WNK1: variants seen among roughly 807,000 people sequenced by gnomAD.
WNK1 encodes the protein serine/threonine-protein kinase WNK1.
WNK1 carries 38 observed loss-of-function variants against 222.8 expected under a neutral mutation model. The ratio of observed to expected loss-of-function variants is 0.17; its 90% CI spans 0.13 to 0.22. The LOEUF (loss-of-function observed/expected upper bound fraction) is 0.22, where lower values mean the gene tolerates loss of function less well. Among genes scored for constraint, WNK1 ranks in the 10% least tolerant of loss-of-function variants. The probability of loss-of-function intolerance (pLI) is 1.00; values close to 1 mark genes in which losing one functional copy is unlikely to be tolerated. For synonymous variants in WNK1, 1,090 were observed against 1,092.9 expected (o/e 1.00, Z 0.05); for missense variants, 2,348 against 2,918.4 (o/e 0.80, Z 4.50).
chr12:852,141 A>G (rs1311496733), intron 4 of WNK1, among the ~76,000 whole-genome samples: 1 of 152,164 alleles, frequency 6.6e-6, no homozygotes, highest in Non-Finnish European at 1.5e-5. Context: ...ACTCACTTTT[A>G]TTTTTCTAGC....
At chr12:877,895 G>A in intron 9 of WNK1, 1 of 367,296 alleles carries the variant, frequency 2.7e-6, no homozygotes, top group Non-Finnish European at 5.2e-6. Flanking sequence ...ATGGGATGGG[G>A]AAAGGAACTG....
intron 21 of WNK1, among the ~76,000 whole-genome samples, chr12:889,696 T>G (rs747708534): frequency 6.6e-6 from 1 of 152,080 alleles, no homozygotes; most frequent in Non-Finnish European, 1.5e-5. Flanking sequence ...TGCACGCCTG[T>G]AGTCCCAGCT....
intron 1 of WNK1, among the ~76,000 whole-genome samples, chr12:795,874 A>G (rs1312353812): frequency 2.0e-5 from 3 of 152,022 alleles, no homozygotes; most frequent in African/African-American, 4.8e-5. Context: ...CATTGGCTTA[A>G]CAAGTATCTT....
At chr12:890,402 T>G (rs775305780) in intron 21 of WNK1, 51 bp from the exon 22 acceptor site, 1 of 1,611,718 alleles carries the variant, frequency 6.2e-7, no homozygotes, top group Non-Finnish European at 8.5e-7. Flanking sequence ...GGCAAAAGTT[T>G]GAGTGACTGA....
rs1179549415 is a variant in WNK1 at position 897,563 on chromosome 12, T to G, written c.6330T>G (p.Pro2110=). Residue 2110 remains proline (P), a synonymous_variant, in exon 25 of 28, where the codon CCT becomes CCG. Coordinates refer to ENST00000315939, the MANE Select transcript of WNK1 (RefSeq NM_018979.4). ...ATACCAAACTGGGCAAGGTGCCCCC[T>G]GCTGTTATTATTCCCCCAGCTGCTC... ...SLYTKLGKVP[P]AVIIPPAAPL... 7.4e-6 allele frequency: 12 copies of G among 1,613,934 alleles called. No homozygotes were observed. The East Asian group carries it at 2.4e-4, about 33-fold the overall frequency.
chr12:900,842 G>A (rs1263384897), intron 26 of WNK1, 172 bp downstream of exon 26: 1 of 816,962 alleles, frequency 1.2e-6, no homozygotes, highest in Non-Finnish European at 2.1e-6. Context: ...AGAATCGGTG[G>A]GCTCACTGCT....
chr12:762,299 A>G (rs1012845615), intron 1 of WNK1, among the ~76,000 whole-genome samples: 3 of 146,684 alleles, frequency 2.0e-5, no homozygotes, highest in Non-Finnish European at 4.6e-5. Flanking sequence ...ACCTCAAGTG[A>G]TCCATCTGCC....
At chr12:851,550 G>A in intron 4 of WNK1, 1 of 1,178,296 alleles carries the variant, frequency 8.5e-7, no homozygotes, top group Non-Finnish European at 1.1e-6. Context: ...TCTGAGAGTT[G>A]GGGAAGCATG....
At chr12:779,794 A>G (rs1302823662) in intron 1 of WNK1, among the ~76,000 whole-genome samples, 1 of 152,088 alleles carries the variant, frequency 6.6e-6, no homozygotes, top group Non-Finnish European at 1.5e-5. Flanking sequence ...TTTGGTCTTT[A>G]TACTGCAAGT....
intron 26 of WNK1, among the ~76,000 whole-genome samples, chr12:903,961 G>A (rs1424165874): frequency 9.9e-5 from 15 of 152,222 alleles, no homozygotes; most frequent in Admixed American, 9.8e-4. Context: ...GTGGGATGTG[G>A]AAATATAATA....
At position 844,554 on chromosome 12, in the gene WNK1, G is replaced by A. The variant is rs537948833; in HGVS notation, c.1312-12607G>A. ...AGAATCCTTAGTTTCTAAGGATGCC[G>A]CAGGTGGCATGCATTTGTGCTTTAT... On this transcript the variant is annotated intron_variant, in intron 4 of 27. Transcript: ENST00000315939. Among the ~76,000 whole-genome samples, 94 of 152,250 alleles carry A rather than the reference G, an allele frequency of 6.2e-4. 1 individual carries two copies. Among genetic ancestry groups the A allele is most frequent in the African/African-American group, 2.1e-3 (86 of 41,536 alleles).
intron 21 of WNK1, among the ~76,000 whole-genome samples, chr12:889,710 C>T (rs1026457015): frequency 1.1e-4 from 17 of 152,002 alleles, no homozygotes; most frequent in East Asian, 3.9e-4. Context: ...CCCAGCTACT[C>T]GGGAGGCTGA....
chr12:829,977 A>G, intron 3 of WNK1, 26 bp from the exon 4 acceptor site: 3 of 1,613,428 alleles, frequency 1.9e-6, no homozygotes, highest in Non-Finnish European at 2.5e-6. Flanking sequence ...GCTCGCATTG[A>G]GTCTGAATCG....
At chr12:865,073 A>T (rs1405377187) in intron 8 of WNK1, 1 of 1,478,370 alleles carries the variant, frequency 6.8e-7, no homozygotes, top group Non-Finnish European at 9.0e-7. Flanking sequence ...TTTTCACAGT[A>T]CTGTGTTTTT....
At chr12:821,441 A>G (rs1037639085) in intron 2 of WNK1, among the ~76,000 whole-genome samples, 1 of 152,232 alleles carries the variant, frequency 6.6e-6, no homozygotes, top group Admixed American at 6.5e-5. Flanking sequence ...CAATGAAGCC[A>G]TCCAGTCCTA....
At position 753,272 on chromosome 12, in the gene WNK1, C is replaced by T. The variant is rs1939467185; in HGVS notation, c.-294C>T. ...CCGCCCGCCCGGCCGCCGCTCGCCG[C>T]AGGATGGATGCGGACCGTGCGGCGC... On this transcript the variant is annotated 5_prime_UTR_variant, in exon 1 of 28. Transcript: ENST00000315939. The surrounding 1 kb of genome is among the most constrained non-coding windows in gnomAD (Gnocchi z 5.2). 3.6e-5 allele frequency: 15 copies of T among 421,186 alleles called. 1 individual carries two copies. In the South Asian group the frequency reaches 4.9e-4, roughly 14 times the overall value. 26.1% of individuals were successfully genotyped at this position (421,186 alleles called of 1,614,324 possible).
chr12:785,414 C>T (rs1218942207), intron 1 of WNK1, among the ~76,000 whole-genome samples: 1 of 142,226 alleles, frequency 7.0e-6, no homozygotes, highest in African/African-American at 2.6e-5. Context: ...CCCCCCACCC[C>T]CTCGAAGTGG....
intron 2 of WNK1, 46 bp from the exon 3 acceptor site, chr12:826,996 A>G (rs770443973): frequency 5.5e-5 from 83 of 1,507,854 alleles, no homozygotes; most frequent in Non-Finnish European, 7.6e-5. Context: ...CAAAGCAACA[A>G]ACTCCTATCA....
At chr12:877,830 A>G (rs1047204624) in intron 9 of WNK1, among the ~76,000 whole-genome samples, 1 of 152,220 alleles carries the variant, frequency 6.6e-6, no homozygotes, top group African/African-American at 2.4e-5. Context: ...TCTATCTGAT[A>G]TAGGTGCCAA....
Sources: gnomAD v4.1 joint callset for allele counts (sites outside exome capture counted in the v4.1 genomes callset) on GRCh38, gnomAD v4.1.1 for gene constraint, Gnocchi (gnomAD v3.1) non-coding constraint, MANE v1.5 for transcripts, NCBI Gene and HGNC (gene_info 2026-07-23, HGNC 2026-07-21) for gene names.